ALPK2: variants seen among roughly 807,000 people sequenced by gnomAD.
ALPK2 encodes alpha-protein kinase 2.
ALPK2 carries 127 observed loss-of-function variants against 163.1 expected under a neutral mutation model. The ratio of observed to expected loss-of-function variants is 0.78; its 90% confidence interval spans 0.67 to 0.90. The LOEUF (loss-of-function observed/expected upper bound fraction) is 0.90. ALPK2 is among the 40% of genes least tolerant of loss of function. The probability of loss-of-function intolerance (pLI) is 0.00; values close to 1 mark genes in which losing one functional copy is unlikely to be tolerated. For missense variants in ALPK2, 2,360 were observed against 2,589.6 expected (o/e 0.91, Z 1.92); for synonymous variants, 953 against 959.1 (o/e 0.99, Z 0.12).
At chr18:58,511,716 G>C (rs1221596211) in intron 10 of ALPK2, 1 of 152,104 alleles carries the variant, frequency 6.6e-6, no homozygotes, top group African/African-American at 2.4e-5. Flanking sequence ...TACACCTGCG[G>C]GCCAGCTAAT....
At chr18:58,571,963 TAGACTCCATCTCAAAAAAAAAAAAA>T (rs2051888117) in intron 4 of ALPK2, among the ~76,000 whole-genome samples, 1 of 102,610 alleles carries the variant, frequency 9.7e-6, no homozygotes, top group Non-Finnish European at 1.7e-5. Context: ...GTGACAGAGG[TAGACTCCATCTCAAAAAAAAAAAAA>T]AAAAAAAAAA....
At chr18:58,575,578 A>T (rs1041884422) in intron 4 of ALPK2, among the ~76,000 whole-genome samples, 2 of 152,196 alleles carry the variant, frequency 1.3e-5, no homozygotes, top group Non-Finnish European at 2.9e-5. Flanking sequence ...GGTGAGGATG[A>T]TCTTACCCTA....
intron 12 of ALPK2, among the ~76,000 whole-genome samples, chr18:58,484,395 T>C (rs572387999): frequency 1.3e-5 from 2 of 152,254 alleles, no homozygotes; most frequent in African/African-American, 4.8e-5. Flanking sequence ...TACAGTGAAA[T>C]ATGATGAATA....
intron 10 of ALPK2, among the ~76,000 whole-genome samples, chr18:58,505,827 C>T (rs928453654): frequency 6.6e-6 from 1 of 152,170 alleles, no homozygotes; most frequent in Non-Finnish European, 1.5e-5. Context: ...CTCTTCTCGG[C>T]CCCCACCCCC....
intron 1 of ALPK2, among the ~76,000 whole-genome samples, chr18:58,613,688 G>A (rs2052147482): frequency 1.5e-5 from 2 of 133,278 alleles, no homozygotes; most frequent in Non-Finnish European, 3.1e-5. Context: ...GACAGAGCAA[G>A]ACTCCATCTC....
intron 5 of ALPK2, among the ~76,000 whole-genome samples, chr18:58,530,339 TG>T (rs2144139615): frequency 6.6e-6 from 1 of 152,300 alleles, no homozygotes; most frequent in African/African-American, 2.4e-5. Flanking sequence ...AACAGTATCC[TG>T]GGAGCCAAGT....
chr18:58,501,873 T>C (rs2051432896), intron 11 of ALPK2, among the ~76,000 whole-genome samples: 1 of 152,212 alleles, frequency 6.6e-6, no homozygotes, highest in Non-Finnish European at 1.5e-5. Flanking sequence ...GTTGATTATA[T>C]TCTGCCAATG....
intron 6 of ALPK2, among the ~76,000 whole-genome samples, chr18:58,527,289 C>T (rs547683167): frequency 7.2e-5 from 11 of 152,306 alleles, no homozygotes; most frequent in African/African-American, 2.4e-4. Flanking sequence ...TTTGAAAACC[C>T]ACTTGAAATA....
At chr18:58,590,601 A>G (rs765828737) in intron 3 of ALPK2, among the ~76,000 whole-genome samples, 1 of 152,194 alleles carries the variant, frequency 6.6e-6, no homozygotes, top group Non-Finnish European at 1.5e-5. Flanking sequence ...CTGCCTAACA[A>G]CTGCTATCAA....
At chr18:58,497,514 G>A (rs4616363) in intron 12 of ALPK2, among the ~76,000 whole-genome samples, 33,904 of 152,134 alleles carry the variant, frequency 0.22, 4,285 homozygotes, top group South Asian at 0.41. Context: ...CTCTGTATTA[G>A]AAAAATAAAG....
chr18:58,605,293 A>G (rs980439957), intron 3 of ALPK2, among the ~76,000 whole-genome samples: 84 of 152,234 alleles, frequency 5.5e-4, no homozygotes, highest in Admixed American at 5.4e-3. Context: ...ATTGTGGCCT[A>G]TTTTTGCATC....
chr18:58,510,318 C>T (rs4486996), intron 10 of ALPK2, among the ~76,000 whole-genome samples: 142,310 of 152,254 alleles, frequency 0.93, 67,227 homozygotes, highest in East Asian at 1. Context: ...TCAGGTAGCG[C>T]GATGCCTCCA....
Position 58,537,569 on chromosome 18 carries a change from A to G in ALPK2, c.2618T>C (p.Val873Ala), listed in dbSNP as rs1348529740. The G allele has an allele frequency of 6.2e-7, 1 of 1,613,944 alleles. No individual in the cohort carries two copies. Among genetic ancestry groups the G allele is most frequent in the African/African-American group, 1.3e-5 (1 of 74,930 alleles). The stretch of plus-strand genomic sequence containing the variant: ...GTCCTTGCTGCTTTTGCACGTAGAC[A>G]CTGAAGTCTCAGACACTTGTGTCTG... The part of the protein sequence containing the change: ...FFQTQVSETS[V>A]STCKSSKDGN... Residue 873 changes from valine (V) to alanine (A), a missense_variant, in exon 5 of 13, where the codon GTG (valine) becomes GCG (alanine). Physicochemically the swap from Val to Ala is moderately conservative, Grantham distance 64 (BLOSUM62 0). Coordinates refer to ENST00000361673, the MANE Select transcript of ALPK2 (RefSeq NM_052947.4).
chr18:58,543,472 G>A (rs943423220), intron 4 of ALPK2: 4 of 873,364 alleles, frequency 4.6e-6, no homozygotes, highest in Non-Finnish European at 4.1e-6. Flanking sequence ...GGGGCTCTGG[G>A]TTCCAAAGAG....
At chr18:58,525,541 G>A (rs2051579859) in intron 6 of ALPK2, among the ~76,000 whole-genome samples, 1 of 152,178 alleles carries the variant, frequency 6.6e-6, no homozygotes, top group Non-Finnish European at 1.5e-5. Context: ...ACTTGGCCCA[G>A]AACCACGAAG....
At chr18:58,602,179 G>C (rs947470944) in intron 3 of ALPK2, among the ~76,000 whole-genome samples, 13 of 152,122 alleles carry the variant, frequency 8.5e-5, no homozygotes, top group African/African-American at 3.1e-4. Flanking sequence ...TCTCCCACTG[G>C]GTAGTCTGGA....
At chr18:58,568,694 A>C (rs74906787) in intron 4 of ALPK2, among the ~76,000 whole-genome samples, 13 of 152,374 alleles carry the variant, frequency 8.5e-5, no homozygotes, top group Non-Finnish European at 1.8e-4. Context: ...ACAGACTTTT[A>C]AAATTGTTAC....
chr18:58,537,321 A>T lies in ALPK2; in HGVS notation c.2866T>A (p.Phe956Ile), dbSNP rs762832281. 2 of 1,614,092 alleles carry T rather than the reference A, an allele frequency of 1.2e-6. No homozygotes were observed. Among genetic ancestry groups the T allele is most frequent in the East Asian group, 4.5e-5 (2 of 44,878 alleles). Residue 956 changes from phenylalanine to isoleucine, a missense_variant, in exon 5 of 13, where the codon TTT becomes ATT. By Grantham distance (21) the Phe-to-Ile change is conservative (BLOSUM62 0). Coordinates refer to ENST00000361673, the MANE Select transcript of ALPK2 (RefSeq NM_052947.4). ...GGGCTCTTGTCACCTCCTTCTTTAA[A>T]TTGCACTAAAGGATTGTTCTCAGAA... ...LSSENNPLVQ[F>I]KEGGDKSPSP...
chr18:58,606,357 G>A (rs2052097665), intron 3 of ALPK2, among the ~76,000 whole-genome samples: 1 of 152,206 alleles, frequency 6.6e-6, no homozygotes, highest in African/African-American at 2.4e-5. Flanking sequence ...TGAGATTGCA[G>A]GCATGAGCCA....
Sources: allele counts gnomAD v4.1 joint callset (sites outside exome capture counted in the v4.1 genomes callset), GRCh38; gene constraint gnomAD v4.1.1; transcripts MANE v1.5; gene names NCBI Gene and HGNC (gene_info 2026-07-23, HGNC 2026-07-21).